PKP4: variants seen among roughly 807,000 people sequenced by gnomAD.
The protein encoded by PKP4 is plakophilin 4.
PKP4 carries 90 observed loss-of-function variants against 145.1 expected under a neutral mutation model. That is an observed-to-expected ratio of 0.62 (90% confidence interval 0.52 to 0.74). PKP4 has a LOEUF of 0.74. PKP4 is among the 30% of genes least tolerant of loss of function. The probability of loss-of-function intolerance (pLI) is 0.00; values close to 1 mark genes in which losing one functional copy is unlikely to be tolerated. For synonymous variants in PKP4, 563 were observed against 577.2 expected (o/e 0.98, Z 0.35); for missense variants, 1,340 against 1,482.7 (o/e 0.90, Z 1.58).
intron 9 of PKP4, 42 bp downstream of exon 9, chr2:158,634,331 A>G (rs1440745275): frequency 1.3e-6 from 2 of 1,516,560 alleles, no homozygotes; most frequent in Admixed American, 1.7e-5. Context: ...ACAGTATTGC[A>G]GGAGTCAGCC....
intron 2 of PKP4, among the ~76,000 whole-genome samples, chr2:158,558,269 C>T (rs77161469): frequency 0.027 from 4,050 of 152,016 alleles, 135 homozygotes; most frequent in East Asian, 0.16. Flanking sequence ...ACATTTCGGC[C>T]GATGCTACTA....
At chr2:158,628,462 C>T (rs537606094) in intron 7 of PKP4, among the ~76,000 whole-genome samples, 5 of 151,984 alleles carry the variant, frequency 3.3e-5, no homozygotes, top group South Asian at 2.1e-4. Flanking sequence ...AACACACGAG[C>T]GGGTAAACAA....
chr2:158,652,463 T>G (rs3771669), intron 11 of PKP4, among the ~76,000 whole-genome samples: 30,004 of 152,136 alleles, frequency 0.2, 3,803 homozygotes, highest in Middle Eastern at 0.36. Context: ...AAAAACCCAT[T>G]GGGCTAAGGG....
intron 1 of PKP4, among the ~76,000 whole-genome samples, chr2:158,468,367 C>G (rs1420985978): frequency 6.6e-6 from 1 of 152,050 alleles, no homozygotes. Context: ...CATAAGTTTA[C>G]CTTATTTTTT....
At chr2:158,466,686 CAG>C (rs1317754141) in intron 1 of PKP4, among the ~76,000 whole-genome samples, 1 of 152,164 alleles carries the variant, frequency 6.6e-6, no homozygotes, top group African/African-American at 2.4e-5. Context: ...GCCTGGGTGA[CAG>C]AGCGAAACTC....
intron 2 of PKP4, among the ~76,000 whole-genome samples, chr2:158,557,411 ACAT>A (rs1288530142): frequency 1.3e-5 from 2 of 152,194 alleles, no homozygotes; most frequent in African/African-American, 4.8e-5. Context: ...GAACCAGAAA[ACAT>A]CAAGTCATTC....
At chr2:158,608,808 C>CT (rs66933766) in intron 4 of PKP4, among the ~76,000 whole-genome samples, 1,807 of 86,204 alleles carry the variant, frequency 0.021, 146 homozygotes, top group East Asian at 0.12. Flanking sequence ...TCTTTTCTTT[C>CT]TTTTTTTTTT....
intron 17 of PKP4, among the ~76,000 whole-genome samples, 191 bp downstream of exon 17, chr2:158,670,106 ATTTTTGGT>A (rs1252619929): frequency 6.6e-6 from 1 of 152,096 alleles, no homozygotes; most frequent in East Asian, 1.9e-4. Context: ...TATGGGGCCT[ATTTTTGGT>A]TTTCACTTTA....
At chr2:158,674,449 C>G (rs2057828044) in intron 19 of PKP4, among the ~76,000 whole-genome samples, 1 of 152,200 alleles carries the variant, frequency 6.6e-6, no homozygotes, top group South Asian at 2.1e-4. Context: ...AAGCAGGGTC[C>G]TTTACCAGAG....
At chr2:158,571,074 G>T (rs1006922830) in intron 2 of PKP4, among the ~76,000 whole-genome samples, 3 of 152,112 alleles carry the variant, frequency 2.0e-5, no homozygotes, top group Non-Finnish European at 4.4e-5. Flanking sequence ...TGAATGTGGG[G>T]GCAGGAGTTG....
intron 1 of PKP4, among the ~76,000 whole-genome samples, chr2:158,530,930 A>T (rs1238697407): frequency 6.6e-6 from 1 of 151,668 alleles, no homozygotes; most frequent in Admixed American, 6.6e-5. Flanking sequence ...AAGCTCTCTG[A>T]CCCTCCTCCT....
At chr2:158,676,653 G>C (rs1448149313) in intron 19 of PKP4, 86 bp from the exon 20 acceptor site, 9 of 1,483,258 alleles carry the variant, frequency 6.1e-6, no homozygotes, top group African/African-American at 1.4e-5. Context: ...ACTGAGCTTT[G>C]TGTTTCTGGA....
At chr2:158,536,215 T>C (rs993801591) in intron 2 of PKP4, among the ~76,000 whole-genome samples, 16 of 152,248 alleles carry the variant, frequency 1.1e-4, no homozygotes, top group African/African-American at 3.9e-4. Context: ...AGTTTACTTA[T>C]GCAGACACTA....
intron 17 of PKP4, among the ~76,000 whole-genome samples, chr2:158,672,173 A>G (rs777654360): frequency 4.6e-5 from 7 of 152,190 alleles, no homozygotes; most frequent in Non-Finnish European, 7.3e-5. Flanking sequence ...GGTGAAATAC[A>G]GTGACTCAGG....
At chr2:158,564,942 T>C (rs143326102) in intron 2 of PKP4, among the ~76,000 whole-genome samples, 5 of 152,324 alleles carry the variant, frequency 3.3e-5, no homozygotes, top group African/African-American at 9.6e-5. Flanking sequence ...TGTTTTGAAG[T>C]AATAAAGTCA....
chr2:158,521,206 G>T (rs911961131), intron 1 of PKP4, among the ~76,000 whole-genome samples: 6 of 152,164 alleles, frequency 3.9e-5, no homozygotes, highest in African/African-American at 1.4e-4. Flanking sequence ...AGCAGCATGG[G>T]ATAGTTACCA....
intron 2 of PKP4, among the ~76,000 whole-genome samples, chr2:158,573,881 TTC>T (rs1192637881): frequency 6.6e-6 from 1 of 152,228 alleles, no homozygotes; most frequent in African/African-American, 2.4e-5. Context: ...GAATGCAAGC[TTC>T]TCAGAGGGTG....
chr2:158,570,592 G>C (rs1221125028), intron 2 of PKP4, among the ~76,000 whole-genome samples: 1 of 152,072 alleles, frequency 6.6e-6, no homozygotes, highest in Non-Finnish European at 1.5e-5. Flanking sequence ...AGGACCATCT[G>C]TTTTCTTCTT....
intron 3 of PKP4, among the ~76,000 whole-genome samples, 181 bp downstream of exon 3, chr2:158,577,564 C>T (rs1005925045): frequency 2.0e-5 from 3 of 152,164 alleles, no homozygotes; most frequent in Non-Finnish European, 1.5e-5. Context: ...CAGTCCTGTG[C>T]TTGAAATGTT....
Sources: allele counts gnomAD v4.1 joint callset (sites outside exome capture counted in the v4.1 genomes callset), GRCh38; gene constraint gnomAD v4.1.1; transcripts MANE v1.5; gene names NCBI Gene and HGNC (gene_info 2026-07-23, HGNC 2026-07-21).